Variants in SLC2A9 observed in about 807,000 individuals in gnomAD.
SLC2A9 encodes the protein solute carrier family 2 member 9.
In SLC2A9, 39 loss-of-function variants were observed where a neutral mutation model predicts 50.6. That is an observed-to-expected ratio of 0.77 (90% CI 0.60 to 1.01). The LOEUF (loss-of-function observed/expected upper bound fraction) is 1.01, where lower values mean the gene tolerates loss of function less well. Ranked by LOEUF, SLC2A9 falls within the 50% of genes least tolerant of loss-of-function variation. The pLI is 0.00. For synonymous variants in SLC2A9, 324 were observed against 276.9 expected (o/e 1.17, Z -1.69); for missense variants, 686 against 677.6 (o/e 1.01, Z -0.14).
chr4:10,034,283 C>A (rs538407255), intron 1 of SLC2A9: 1 of 152,296 alleles, frequency 6.6e-6, no homozygotes, highest in Non-Finnish European at 1.5e-5. Flanking sequence ...AGCGCACCCA[C>A]GCAAGGAGCT....
At chr4:9,782,630 A>G (rs781170757) in intron 3 of SLC2A9, 1 of 1,613,950 alleles carries the variant, frequency 6.2e-7, no homozygotes, top group Non-Finnish European at 8.5e-7. Context: ...GGCCAACTGG[A>G]CGCCCTGGGA....
At chr4:9,829,386 C>A (rs558444981) in intron 11 of SLC2A9, among the ~76,000 whole-genome samples, 2 of 151,532 alleles carry the variant, frequency 1.3e-5, no homozygotes, top group South Asian at 4.2e-4. Context: ...AAATGTAAAA[C>A]CCAAAACTAT....
chr4:9,903,138 TGCTCTCACACGGGCTG>T (rs1238918523), intron 8 of SLC2A9, among the ~76,000 whole-genome samples: 1 of 152,170 alleles, frequency 6.6e-6, no homozygotes, highest in Non-Finnish European at 1.5e-5. Context: ...TACCACGTTC[TGCTCTCACACGGGCTG>T]GATCCAGTGT....
upstream of SLC2A9, among the ~76,000 whole-genome samples, chr4:10,023,059 A>G (rs1363273763): frequency 1.3e-5 from 2 of 152,300 alleles, no homozygotes; most frequent in East Asian, 1.9e-4. Flanking sequence ...CTTAATTATA[A>G]CATGACCTAA....
At chr4:9,865,635 G>A (rs1006011931) in intron 10 of SLC2A9, among the ~76,000 whole-genome samples, 1 of 152,218 alleles carries the variant, frequency 6.6e-6, no homozygotes, top group Non-Finnish European at 1.5e-5. Flanking sequence ...TAGCTCTCAA[G>A]GTGGAGGCTT....
intron 3 of SLC2A9, among the ~76,000 whole-genome samples, chr4:9,785,813 C>T (rs1719144738): frequency 6.6e-6 from 1 of 152,210 alleles, no homozygotes; most frequent in Non-Finnish European, 1.5e-5. Flanking sequence ...TATTGCACTG[C>T]ATTGCACTGT....
In SLC2A9 at chr4:9,782,277, T is replaced by C. The variant is rs762147902; in HGVS notation, n.386-2212A>G. ...ATGACCAACGTCTTCATCGTGTCTC[T>C]GGCCGTGTCAGACCTTTTCGTGGCG... On this transcript the variant is annotated intron_variant and non_coding_transcript_variant, in intron 3 of 3. Transcript: ENST00000503803. 22 of 1,613,960 alleles carry C rather than the reference T, an allele frequency of 1.4e-5. No individual in the cohort carries two copies. The East Asian group carries it at 4.5e-4, about 33-fold the overall frequency.
chr4:9,893,586 G>C (rs568680979), intron 8 of SLC2A9, among the ~76,000 whole-genome samples: 1 of 140,088 alleles, frequency 7.1e-6, no homozygotes, highest in African/African-American at 2.6e-5. Flanking sequence ...GGGAGGGAGG[G>C]AGTGAGGGAG....
chr4:9,874,402 G>A (rs991306037), intron 10 of SLC2A9, among the ~76,000 whole-genome samples: 1 of 152,136 alleles, frequency 6.6e-6, no homozygotes, highest in African/African-American at 2.4e-5. Context: ...ATGCACATGT[G>A]TACCCCCACA....
At chr4:9,815,897 C>T (rs756333127) in intron 3 of SLC2A9, among the ~76,000 whole-genome samples, 9 of 152,132 alleles carry the variant, frequency 5.9e-5, no homozygotes, top group Non-Finnish European at 1.3e-4. Context: ...AGGCCGGGCA[C>T]GGTAGTTCAC....
intron 6 of SLC2A9, among the ~76,000 whole-genome samples, chr4:9,938,620 T>C (rs1263413755): frequency 6.6e-6 from 1 of 152,174 alleles, no homozygotes; most frequent in Non-Finnish European, 1.5e-5. Flanking sequence ...GTCTTATAAA[T>C]AAGAGTCACA....
At chr4:9,834,181 T>TC (rs1308298401) in intron 11 of SLC2A9, among the ~76,000 whole-genome samples, 1 of 152,180 alleles carries the variant, frequency 6.6e-6, no homozygotes, top group Non-Finnish European at 1.5e-5. Context: ...TGCGCAACGG[T>TC]CACCTCCTTC....
intron 10 of SLC2A9, among the ~76,000 whole-genome samples, chr4:9,863,644 AAAG>A (rs1282523217): frequency 6.6e-6 from 1 of 152,062 alleles, no homozygotes; most frequent in Non-Finnish European, 1.5e-5. Flanking sequence ...TTGTTTCAAT[AAAG>A]AAGTTGGGCA....
At position 9,935,355 on chromosome 4, in the gene SLC2A9, G is replaced by A. The variant is rs185175605; in HGVS notation, c.814+6558C>T. Among the ~76,000 whole-genome samples the A allele has an allele frequency of 1.2e-3, 190 of 152,298 alleles. 1 individual carries two copies. The South Asian group carries it at 0.019, about 15-fold the overall frequency. Reference sequence around the variant, plus strand: ...ATTCTGTGCTGTCTCACTGTCCCTCGGAGGGGGAGCAATGACACTTACAAC... The same window carrying A: ...ATTCTGTGCTGTCTCACTGTCCCTCAGAGGGGGAGCAATGACACTTACAAC... On this transcript the variant is annotated intron_variant, in intron 6 of 11. Transcript: ENST00000264784.
chr4:9,814,145 T>C (rs1723247801), intron 3 of SLC2A9, among the ~76,000 whole-genome samples: 1 of 151,260 alleles, frequency 6.6e-6, no homozygotes, highest in African/African-American at 2.4e-5. Context: ...ATCGCAAAAA[T>C]GAAAAAGAAA....
intron 10 of SLC2A9, among the ~76,000 whole-genome samples, chr4:9,874,894 GCGTC>G (rs1368900156): frequency 3.8e-4 from 56 of 147,236 alleles, no homozygotes; most frequent in Non-Finnish European, 7.2e-4. Context: ...CCATAGGTTA[GCGTC>G]TGTCTAAGAT....
intron 6 of SLC2A9, among the ~76,000 whole-genome samples, chr4:9,922,547 A>G (rs548838391): frequency 1.4e-4 from 21 of 152,292 alleles, no homozygotes; most frequent in South Asian, 1.2e-3. Context: ...TATGTTCATA[A>G]AGTGGGTGAT....
chr4:9,992,876 C>T (rs1757955455), intron 3 of SLC2A9, among the ~76,000 whole-genome samples: 2 of 152,234 alleles, frequency 1.3e-5, no homozygotes, highest in South Asian at 4.1e-4. Context: ...TCGTTCCACC[C>T]TCATAGCTGC....
chr4:9,999,964 A>G (rs1759473917), intron 2 of SLC2A9, among the ~76,000 whole-genome samples: 1 of 152,168 alleles, frequency 6.6e-6, no homozygotes, highest in African/African-American at 2.4e-5. Context: ...TCCAGGTTTG[A>G]GAACAGATGG....
Sources: gnomAD v4.1 joint callset for allele counts (sites outside exome capture counted in the v4.1 genomes callset) on GRCh38, gnomAD v4.1.1 for gene constraint, MANE v1.5 for transcripts, NCBI Gene and HGNC (gene_info 2026-07-23, HGNC 2026-07-21) for gene names.